Variants in RPH3A observed in about 807,000 individuals in gnomAD.
The protein encoded by RPH3A is rabphilin 3A.
A neutral mutation model predicts 102.2 loss-of-function variants in RPH3A; 48 were observed. That is an observed-to-expected ratio of 0.47 (90% CI 0.37 to 0.60). RPH3A has a LOEUF of 0.60. RPH3A is among the 20% of genes least tolerant of loss of function. RPH3A has a pLI of 0.00. For synonymous variants in RPH3A, 310 were observed against 324.3 expected (o/e 0.96, Z 0.47); for missense variants, 781 against 910.1 (o/e 0.86, Z 1.83).
At position 112,713,017 on chromosome 12, in the gene RPH3A, C is replaced by CTTCT. The variant is rs1565857231; in HGVS notation, c.-139-79125_-139-79124insTCTT. Among the ~76,000 whole-genome samples, 26 of 60,708 alleles carry CTTCT rather than the reference C, an allele frequency of 4.3e-4. 2 individuals carry two copies. The highest frequency in any genetic ancestry group is 2.3e-3 in the African/African-American group (24 of 10,582). The allele number at this position is 60,708 out of a possible 152,430, so 39.8% of individuals were successfully genotyped here. Reference sequence around the variant, plus strand: ...TGTCTTCCTCTTCCTCTTCCTCTTCCTCTTCCTCTTCTTCTTCTTCTTCTT... The same window carrying CTTCT: ...TGTCTTCCTCTTCCTCTTCCTCTTCCTTCTTCTTCCTCTTCTTCTTCTTCTTCTT... On this transcript the variant is annotated intron_variant, in intron 1 of 21. Coordinates refer to the RPH3A transcript ENST00000543106.
At chr12:112,785,853 T>C (rs917952104) in intron 1 of RPH3A, among the ~76,000 whole-genome samples, 2 of 152,172 alleles carry the variant, frequency 1.3e-5, no homozygotes, top group African/African-American at 4.8e-5. Context: ...CTCTTACTTA[T>C]GGTCACTTTG....
At chr12:112,816,855 A>G (rs774345816) in intron 2 of RPH3A, among the ~76,000 whole-genome samples, 14 of 152,206 alleles carry the variant, frequency 9.2e-5, no homozygotes, top group Non-Finnish European at 1.6e-4. Context: ...TGAGATTATT[A>G]TTCATAATAA....
chr12:112,760,662 T>A (rs1200881180), intron 1 of RPH3A, among the ~76,000 whole-genome samples: 1 of 152,182 alleles, frequency 6.6e-6, no homozygotes, highest in Non-Finnish European at 1.5e-5. Flanking sequence ...TGAGAGGACA[T>A]GTTTACTCAG....
At chr12:112,815,338 T>G (rs1338838331) in intron 2 of RPH3A, among the ~76,000 whole-genome samples, 1 of 152,212 alleles carries the variant, frequency 6.6e-6, no homozygotes, top group African/African-American at 2.4e-5. Flanking sequence ...CAAATTAATA[T>G]GTTTAACCCA....
At chr12:112,636,148 C>T (rs1194979112) in intron 1 of RPH3A, among the ~76,000 whole-genome samples, 1 of 152,140 alleles carries the variant, frequency 6.6e-6, no homozygotes, top group Non-Finnish European at 1.5e-5. Flanking sequence ...GCACTTGAAA[C>T]ATTTGACTTT....
Position 112,727,493 on chromosome 12 carries a change from AC to A in RPH3A, c.-139-64638del, listed in dbSNP as rs759135458. Among the ~76,000 whole-genome samples the A allele has an allele frequency of 9.0e-3, 373 of 41,590 alleles. 17 individuals are homozygous for A. Among genetic ancestry groups the A allele is most frequent in the Middle Eastern group, 0.069 (4 of 58 alleles). 27.3% of individuals were successfully genotyped at this position (41,590 alleles called of 152,430 possible). A position where few individuals can be genotyped will look rare whatever the true frequency, so the allele number is the denominator to read the frequency against. On this transcript the variant is annotated intron_variant, in intron 1 of 21. Transcript: ENST00000543106. ...CACACACACACACACACACACACAG[AC>A]CCCCCCCCCCCACACACATATATAT...
chr12:112,770,200 A>G (rs2040918187), intron 1 of RPH3A, among the ~76,000 whole-genome samples: 1 of 152,168 alleles, frequency 6.6e-6, no homozygotes, highest in Non-Finnish European at 1.5e-5. Context: ...CCTATTACAG[A>G]CCAGGTTGTA....
At chr12:112,700,599 G>T (rs2040387164) in intron 1 of RPH3A, among the ~76,000 whole-genome samples, 1 of 152,178 alleles carries the variant, frequency 6.6e-6, no homozygotes, top group South Asian at 2.1e-4. Flanking sequence ...TCTGCACCTG[G>T]TCTGCTAATT....
chr12:112,718,826 G>C (rs1266074583), intron 1 of RPH3A, among the ~76,000 whole-genome samples: 2 of 152,216 alleles, frequency 1.3e-5, no homozygotes, highest in Non-Finnish European at 2.9e-5. Flanking sequence ...AGGAGAGCAG[G>C]AATTGATTGG....
At chr12:112,757,097 T>C (rs1030925779) in intron 1 of RPH3A, among the ~76,000 whole-genome samples, 1 of 152,200 alleles carries the variant, frequency 6.6e-6, no homozygotes, top group Non-Finnish European at 1.5e-5. Flanking sequence ...TTCTTATTGA[T>C]TCCCTCAATA....
Position 112,785,272 on chromosome 12 carries a change from C to A in RPH3A, c.-139-6871C>A, listed in dbSNP as rs150295804. Among the ~76,000 whole-genome samples, 456 of 150,752 alleles carry A rather than the reference C, an allele frequency of 3.0e-3. 1 individual carries two copies. The highest frequency in any genetic ancestry group is 0.011 in the African/African-American group (435 of 41,272). ...TACAGCTGCATGGTGGTTGGCAGAG[C>A]ATAGTTAGGCAAACCTAGCATACCC... is the stretch of plus-strand genomic sequence containing the variant. On this transcript the variant is annotated intron_variant, in intron 1 of 21. Transcript: ENST00000543106.
intron 1 of RPH3A, among the ~76,000 whole-genome samples, chr12:112,724,519 A>G (rs2040573788): frequency 6.6e-6 from 1 of 152,222 alleles, no homozygotes; most frequent in Admixed American, 6.5e-5. Context: ...TCAACTGTAT[A>G]TATACTGCTA....
chr12:112,726,208 T>A (rs1175455823), intron 1 of RPH3A, among the ~76,000 whole-genome samples: 1 of 152,024 alleles, frequency 6.6e-6, no homozygotes, highest in Non-Finnish European at 1.5e-5. Context: ...TCCACCTCCC[T>A]GGTTCAAGTG....
intron 1 of RPH3A, among the ~76,000 whole-genome samples, chr12:112,578,971 A>T (rs2039377629): frequency 6.6e-6 from 1 of 152,200 alleles, no homozygotes; most frequent in South Asian, 2.1e-4. Flanking sequence ...ATGTAAAAAA[A>T]ATTTATTATT....
intron 2 of RPH3A, among the ~76,000 whole-genome samples, chr12:112,816,862 A>G (rs2041680906): frequency 6.6e-6 from 1 of 152,176 alleles, no homozygotes; most frequent in Non-Finnish European, 1.5e-5. Context: ...ATTATTCATA[A>G]TAAATTAAGG....
At chr12:112,643,221 G>A (rs1483449760) in intron 1 of RPH3A, among the ~76,000 whole-genome samples, 1 of 152,138 alleles carries the variant, frequency 6.6e-6, no homozygotes, top group South Asian at 2.1e-4. Flanking sequence ...AGGATGAAGA[G>A]GTCTGGAAGC....
chr12:112,891,687 T>A (rs1329309788), intron 19 of RPH3A, among the ~76,000 whole-genome samples: 1 of 151,520 alleles, frequency 6.6e-6, no homozygotes, highest in Admixed American at 6.6e-5. Context: ...CACCAGGGAG[T>A]CCTCAAGCCA....
chr12:112,594,112 C>A (rs1231526779), intron 1 of RPH3A, among the ~76,000 whole-genome samples: 2 of 152,132 alleles, frequency 1.3e-5, no homozygotes, highest in Non-Finnish European at 2.9e-5. Context: ...TTCGGTACTG[C>A]CTCTAATCAG....
chr12:112,615,653 C>T (rs1592908591), intron 1 of RPH3A, among the ~76,000 whole-genome samples: 1 of 152,154 alleles, frequency 6.6e-6, no homozygotes, highest in East Asian at 1.9e-4. Flanking sequence ...TTGTACCTTG[C>T]CTTCTCTTTT....
Sources: allele counts gnomAD v4.1 joint callset (sites outside exome capture counted in the v4.1 genomes callset), GRCh38; gene constraint gnomAD v4.1.1; transcripts MANE v1.5; gene names NCBI Gene and HGNC (gene_info 2026-07-23, HGNC 2026-07-21).